Variants in PCNT observed in about 807,000 individuals in gnomAD.
PCNT encodes pericentrin, also known as kendrin.
Under a neutral mutation model 380.4 loss-of-function variants are expected in PCNT, and 319 were observed. The ratio of observed to expected loss-of-function variants is 0.84; its 90% CI spans 0.77 to 0.92. The LOEUF (loss-of-function observed/expected upper bound fraction) is 0.92, where lower values mean the gene tolerates loss of function less well. Ranked by LOEUF, PCNT falls within the 40% of genes least tolerant of loss-of-function variation. PCNT has a pLI of 0.00. For synonymous variants in PCNT, 1,845 were observed against 1,735.2 expected, an observed-to-expected ratio of 1.06 and a Z score of -1.57; for missense variants, 4,400 against 4,255.3, an observed-to-expected ratio of 1.03 and a Z score of -0.95.
Position 46,366,176 on chromosome 21 carries a change from C to G in PCNT, c.2610-408C>G, listed in dbSNP as rs534451842. Among the ~76,000 whole-genome samples, 58 of 152,352 alleles carry G rather than the reference C, an allele frequency of 3.8e-4. 1 individual carries two copies. The highest frequency in any genetic ancestry group is 6.8e-4 in the Non-Finnish European group (46 of 68,028). ...CCATGGGCCCCCATGGGCAGTGCCCCTTCCCTGTTGAGGAGCAGAGATTAC... is the reference window on the plus strand; with the variant it reads ...CCATGGGCCCCCATGGGCAGTGCCCGTTCCCTGTTGAGGAGCAGAGATTAC... On this transcript the variant is annotated intron_variant, in intron 14 of 46. Transcript: ENST00000359568.
intron 40 of PCNT, 76 bp from the exon 41 acceptor site, chr21:46,438,088 C>G: frequency 8.6e-7 from 1 of 1,162,744 alleles, no homozygotes. Flanking sequence ...CTAAAAATAA[C>G]TGTTGACAAA....
intron 4 of PCNT, 110 bp from the exon 5 acceptor site, chr21:46,346,633 G>C: frequency 1.5e-6 from 2 of 1,370,498 alleles, no homozygotes; most frequent in Non-Finnish European, 2.0e-6. Flanking sequence ...GATGTCTGCT[G>C]TTTCATTTTC....
chr21:46,371,852 G>GCACACAGCATGTGTGCACA (rs1347059137), intron 15 of PCNT, among the ~76,000 whole-genome samples: 1 of 145,766 alleles, frequency 6.9e-6, no homozygotes, highest in African/African-American at 2.6e-5. Flanking sequence ...CAGCACATGT[G>GCACACAGCATGTGTGCACA]CACACAGCAT....
intron 27 of PCNT, among the ~76,000 whole-genome samples, chr21:46,403,881 G>A (rs548877584): frequency 6.4e-5 from 9 of 140,036 alleles, no homozygotes; most frequent in Admixed American, 4.3e-4. Flanking sequence ...GCGTGTGCTC[G>A]GTGAATGAAC....
At chr21:46,370,395 C>T (rs1208404767) in intron 15 of PCNT, among the ~76,000 whole-genome samples, 4 of 144,346 alleles carry the variant, frequency 2.8e-5, no homozygotes, top group Non-Finnish European at 6.0e-5. Flanking sequence ...CTGGGAGGTG[C>T]GGGGGTCGGG....
intron 31 of PCNT, 148 bp from the exon 32 acceptor site, chr21:46,421,822 C>A: frequency 1.1e-6 from 1 of 869,908 alleles, no homozygotes. Context: ...ATTTTTGGGG[C>A]CATCAGTGTT....
rs1166217383 is a variant in PCNT at position 46,440,855 on chromosome 21, A to G, written c.9394A>G (p.Met3132Val). 5 of 1,588,794 alleles carry G rather than the reference A, an allele frequency of 3.1e-6. No individual in the cohort carries two copies. In the East Asian group the frequency reaches 8.9e-5, roughly 28 times the overall value. Residue 3132 changes from methionine to valine, a missense_variant and splice_region_variant, in exon 43 of 47, where the codon ATG becomes GTG. By Grantham distance (21) the Met-to-Val change is conservative. Coordinates refer to ENST00000359568, the MANE Select transcript of PCNT (RefSeq NM_006031.6). ...AATTTTACTGCTTTTTTTCTTTTAG[A>G]TGGAAAAATTGTACCTGCATTACTT... ...SEEAHTSNVK[M>V]EKLYLHYLRA...
At chr21:46,353,835 T>C in intron 10 of PCNT, 152 bp from the exon 11 acceptor site, 1 of 704,448 alleles carries the variant, frequency 1.4e-6, no homozygotes, top group South Asian at 1.6e-5. Flanking sequence ...GCTTTGTGAC[T>C]GCCACGGCTC....
At chr21:46,353,715 GGTGTGTGTGTGTGTGTGTGTGTGT>G (rs72175446) in intron 10 of PCNT, among the ~76,000 whole-genome samples, 1 of 128,962 alleles carries the variant, frequency 7.8e-6, no homozygotes, top group African/African-American at 2.9e-5. Context: ...CTCTCCTCCA[GGTGTGTGTGTGTGTGTGTGTGTGT>G]GTGTGTGTGT....
intron 37 of PCNT, chr21:46,431,038 G>C (rs2087740683): frequency 4.1e-5 from 40 of 985,372 alleles, no homozygotes; most frequent in Non-Finnish European, 4.7e-5. Flanking sequence ...CAGCAGGCCT[G>C]CTGTGGCTTC....
At chr21:46,354,970 G>C (rs564873800) in intron 11 of PCNT, among the ~76,000 whole-genome samples, 8 of 152,338 alleles carry the variant, frequency 5.3e-5, no homozygotes, top group Admixed American at 3.3e-4. Context: ...GGGGTGGGTA[G>C]CCCCACCAGG....
rs529268600 is a variant in PCNT, at chr21:46,340,861, A to T, written c.640-5267A>T. On this transcript the variant is annotated intron_variant, in intron 3 of 46. Coordinates refer to ENST00000359568, the MANE Select transcript of PCNT (RefSeq NM_006031.6). ...ATTTTTGTATTTTTTTTTAGTAGAGACGGGGTTTTGCCATGTTGGCCAGGC... is the reference window on the plus strand; with the variant it reads ...ATTTTTGTATTTTTTTTTAGTAGAGTCGGGGTTTTGCCATGTTGGCCAGGC... 1.7e-4 allele frequency among the ~76,000 whole-genome samples: 26 copies of T among 150,662 alleles called. 2 individuals carry two copies. The highest frequency in any genetic ancestry group is 5.6e-4 in the African/African-American group (23 of 40,816).
intron 35 of PCNT, 96 bp downstream of exon 35, chr21:46,428,686 G>A: frequency 5.5e-6 from 6 of 1,099,542 alleles, no homozygotes; most frequent in Non-Finnish European, 6.7e-6. Flanking sequence ...GTGGTGACAG[G>A]GCATCATCTA....
At chr21:46,434,797 C>T (rs2087898929) in intron 38 of PCNT, among the ~76,000 whole-genome samples, 1 of 152,232 alleles carries the variant, frequency 6.6e-6, no homozygotes, top group South Asian at 2.1e-4. Context: ...TGCATGTTCA[C>T]ATGCACAAAT....
At chr21:46,435,064 G>A (rs543172742) in intron 38 of PCNT, among the ~76,000 whole-genome samples, 43 of 152,292 alleles carry the variant, frequency 2.8e-4, no homozygotes, top group African/African-American at 9.9e-4. Flanking sequence ...GAGGGACACA[G>A]AGCAGCACAG....
chr21:46,412,829 C>G lies in PCNT; in HGVS notation c.5995-8C>G. The G allele has an allele frequency of 6.2e-7, 1 of 1,610,522 alleles. No homozygotes were observed. Among genetic ancestry groups the G allele is most frequent in the Non-Finnish European group, 8.5e-7 (1 of 1,179,990 alleles). On this transcript the variant is annotated splice_region_variant and splice_polypyrimidine_tract_variant and intron_variant, in intron 28 of 46. Coordinates refer to ENST00000359568, the MANE Select transcript of PCNT (RefSeq NM_006031.6). Reference sequence around the variant, plus strand: ...CATGCTCAGCTTTCCTCTGTCTCCTCTGTCAAGGGTGATCTGCAGCCTGTC... The same window carrying G: ...CATGCTCAGCTTTCCTCTGTCTCCTGTGTCAAGGGTGATCTGCAGCCTGTC...
chr21:46,328,447 A>T (rs1473075733), intron 2 of PCNT, among the ~76,000 whole-genome samples: 1 of 150,316 alleles, frequency 6.7e-6, no homozygotes, highest in East Asian at 2.0e-4. Context: ...CTTTTGATAT[A>T]TTCTGGTTGC....
rs114120845 is a variant in PCNT at position 46,430,502 on chromosome 21, C to T, written c.7914-5C>T. 1,799 of 1,550,626 alleles carry T rather than the reference C, an allele frequency of 1.2e-3. 19 individuals are homozygous for T. In the African/African-American group the frequency reaches 0.022, roughly 19 times the overall value. On this transcript the variant is annotated splice_polypyrimidine_tract_variant and splice_region_variant and intron_variant, in intron 36 of 46. Transcript: ENST00000359568. ...GTCAGATTGTTCTGCGATGTCTCCA[C>T]GCAGATCCATGCTGAGCAGTAAGGA...
intron 43 of PCNT, among the ~76,000 whole-genome samples, chr21:46,442,234 A>G (rs779451935): frequency 1.3e-4 from 19 of 151,988 alleles, no homozygotes; most frequent in Non-Finnish European, 2.4e-4. Context: ...AGGGGACCAT[A>G]TGGTCCACGG....
Sources: gnomAD v4.1 joint callset for allele counts (sites outside exome capture counted in the v4.1 genomes callset) on GRCh38, gnomAD v4.1.1 for gene constraint, MANE v1.5 for transcripts, NCBI Gene and HGNC (gene_info 2026-07-23, HGNC 2026-07-21) for gene names.